Variants in DPPA3 observed in about 807,000 individuals in gnomAD.
DPPA3 encodes developmental pluripotency-associated protein 3.
DPPA3 carries 9 observed loss-of-function variants against 15.6 expected under a neutral mutation model. The observed-to-expected ratio is 0.58, with a 90% CI of 0.35 to 1.01. The LOEUF (loss-of-function observed/expected upper bound fraction) is 1.01, where lower values mean the gene tolerates loss of function less well. DPPA3 is among the 50% of genes least tolerant of loss of function. The pLI, the probability that DPPA3 is intolerant of heterozygous loss-of-function variation, is 0.02. For missense variants in DPPA3, 148 were observed against 194.6 expected (o/e 0.76, Z 1.42); for synonymous variants, 61 against 70.9 (o/e 0.86, Z 0.70).
rs985158873 is a variant in DPPA3, at chr12:7,717,314, G to T, written c.*237G>T. ...TGATTTGACCCAAAGAAGCCAAGAT[G>T]ATATAAGTATTCCCATGTGTCTTAG... On this transcript the variant is annotated 3_prime_UTR_variant, in exon 4 of 4. Transcript: ENST00000345088. 5.2e-6 allele frequency: 2 copies of T among 382,420 alleles called. No individual in the cohort carries two copies. The highest frequency in any genetic ancestry group is 4.2e-5 in the Admixed American group (1 of 23,792). 23.7% of individuals were successfully genotyped at this position (382,420 alleles called of 1,614,324 possible).
At chr12:7,712,646 C>T (rs1864357548) in intron 1 of DPPA3, among the ~76,000 whole-genome samples, 1 of 152,174 alleles carries the variant, frequency 6.6e-6, no homozygotes, top group African/African-American at 2.4e-5. Context: ...CAGGGTTTCA[C>T]TATGTTGGCC....
chr12:7,712,646 CTA>C (rs1409818407), intron 1 of DPPA3, among the ~76,000 whole-genome samples: 1 of 152,174 alleles, frequency 6.6e-6, no homozygotes, highest in East Asian at 1.9e-4. Context: ...CAGGGTTTCA[CTA>C]TGTTGGCCAG....
chr12:7,714,662 GCAC>G (rs3069535), intron 1 of DPPA3, among the ~76,000 whole-genome samples: 109,798 of 151,018 alleles, frequency 0.73, 40,093 homozygotes, highest in South Asian at 0.83. Flanking sequence ...TTACAGGCAT[GCAC>G]CACCACCACG....
intron 1 of DPPA3, among the ~76,000 whole-genome samples, chr12:7,714,332 A>G (rs369965825): frequency 1.3e-5 from 2 of 152,196 alleles, no homozygotes; most frequent in South Asian, 4.1e-4. Flanking sequence ...GTAAGTGATC[A>G]AGTGCCACAG....
chr12:7,711,804 A>T (rs1462706968), intron 1 of DPPA3, 152 bp downstream of exon 1: 1 of 643,526 alleles, frequency 1.6e-6, no homozygotes, highest in Non-Finnish European at 2.4e-6. Context: ...CTCAAACCAG[A>T]GGGAGTCAAC....
chr12:7,713,840 T>G (rs1226531693), intron 1 of DPPA3, among the ~76,000 whole-genome samples: 2 of 152,198 alleles, frequency 1.3e-5, no homozygotes. Flanking sequence ...AGTGGATCTC[T>G]TAAGTGTAAG....
rs764232682 is a variant in DPPA3 at position 7,715,384 on chromosome 12, A to G, written c.284A>G (p.Lys95Arg). The change falls in exon 2 of 4, where the codon AAG (lysine) becomes AGG (arginine). Residue 95 changes from lysine (K) to arginine (R), a missense_variant. Coordinates refer to ENST00000345088, the MANE Select transcript of DPPA3 (RefSeq NM_199286.4). ...VRTLLSVQRE[K>R]MARLRYMLLG... ...ACATTGCTGTCTGTGCAGAGAGAAA[A>G]GATGGCAAGATTGAGATACATGTTA... 3.8e-5 allele frequency: 61 copies of G among 1,614,182 alleles called. 3 individuals carry two copies. The South Asian group carries it at 6.3e-4, about 17-fold the overall frequency.
Position 7,711,720 on chromosome 12 carries a change from CTTTTTTTTTTTTTTT to C in DPPA3, c.82+83_82+97del, listed in dbSNP as rs3069565. 3.1e-3 allele frequency: 1,062 copies of C among 339,986 alleles called. 3 individuals are homozygous for C. The highest frequency in any genetic ancestry group is 8.1e-3 in the Middle Eastern group (11 of 1,350). 21.1% of individuals were successfully genotyped at this position (339,986 alleles called of 1,614,324 possible). ...GGTTGGGAGGTCAAAAGGCTGCCGT[CTTTTTTTTTTTTTTT>C]TTTTTTTTTTTTTTAATGTTGACTT... On this transcript the variant is annotated intron_variant, in intron 1 of 3. Coordinates refer to ENST00000345088, the MANE Select transcript of DPPA3 (RefSeq NM_199286.4).
rs899879366 is a variant in DPPA3 at position 7,715,298 on chromosome 12, A to G, written c.198A>G (p.Val66=). ...LSEALLRRES[V]GAAVLREIED... ...AAGCTTTACTCCGTCGAGAGTCTGTAGGAGCAGCAGTCCTCAGGGAAATCG... is the reference window on the plus strand; with the variant it reads ...AAGCTTTACTCCGTCGAGAGTCTGTGGGAGCAGCAGTCCTCAGGGAAATCG... The change falls in exon 2 of 4, where the codon GTA becomes GTG. Residue 66 remains valine, a synonymous_variant. Coordinates refer to ENST00000345088, the MANE Select transcript of DPPA3 (RefSeq NM_199286.4). The G allele has an allele frequency of 6.2e-7, 1 of 1,613,006 alleles. No homozygotes were observed. The highest frequency in any genetic ancestry group is 8.5e-7 in the Non-Finnish European group (1 of 1,179,928).
intron 1 of DPPA3, among the ~76,000 whole-genome samples, chr12:7,712,209 C>G (rs979355090): frequency 1.3e-5 from 2 of 151,370 alleles, no homozygotes; most frequent in Non-Finnish European, 2.9e-5. Context: ...GCCACTGCGC[C>G]CGGCCAGTAC....
chr12:7,711,695 G>C, intron 1 of DPPA3, 43 bp downstream of exon 1: 2 of 1,486,826 alleles, frequency 1.3e-6, no homozygotes. Flanking sequence ...ACTATAGGGG[G>C]GTTGGGAGGT....
chr12:7,715,431 T>G lies in DPPA3; in HGVS notation c.327+4T>G. 1 of 1,613,836 alleles carries G rather than the reference T, an allele frequency of 6.2e-7. No individual in the cohort carries two copies. Reference sequence around the variant, plus strand: ...GTTACTCGGCGGAGTTCGTACGGTATGTTGATGTGATGTGGCCGGGGCTGT... The same window carrying G: ...GTTACTCGGCGGAGTTCGTACGGTAGGTTGATGTGATGTGGCCGGGGCTGT... On this transcript the variant is annotated splice_donor_region_variant and intron_variant, in intron 2 of 3. Coordinates refer to ENST00000345088, the MANE Select transcript of DPPA3 (RefSeq NM_199286.4).
rs773416967 is a variant in DPPA3 at position 7,715,265 on chromosome 12, T to A, written c.165T>A (p.Pro55=). The A allele has an allele frequency of 3.1e-6, 5 of 1,613,866 alleles. No homozygotes were observed. Among genetic ancestry groups the A allele is most frequent in the Non-Finnish European group, 3.4e-6 (4 of 1,179,848 alleles). The change falls in exon 2 of 4, where the codon CCT becomes CCA. Residue 55 remains proline, a synonymous_variant. Transcript: ENST00000345088. ...ACGCTAGTAGCGAATCTGTTTCCCC[T>A]CTATCGGAAGCTTTACTCCGTCGAG... ...TINASSESVS[P]LSEALLRRES...
At chr12:7,714,670 AC>A (rs1304814693) in intron 1 of DPPA3, among the ~76,000 whole-genome samples, 2 of 151,014 alleles carry the variant, frequency 1.3e-5, no homozygotes, top group African/African-American at 4.9e-5. Flanking sequence ...ATGCACCACC[AC>A]CACGCCTGGC....
At chr12:7,713,392 C>T (rs957165386) in intron 1 of DPPA3, among the ~76,000 whole-genome samples, 5 of 152,242 alleles carry the variant, frequency 3.3e-5, no homozygotes, top group African/African-American at 1.2e-4. Context: ...CTTAGTACCT[C>T]ACAGTTCCAC....
intron 3 of DPPA3, 40 bp downstream of exon 3, chr12:7,716,279 T>TTTTTGGCTATA: frequency 6.8e-7 from 1 of 1,474,792 alleles, no homozygotes; most frequent in Non-Finnish European, 9.1e-7. Context: ...CTTTTTTTTT[T>TTTTTGGCTATA]TTGGCTATAT....
chr12:7,715,641 CA>C (rs1864391454), intron 2 of DPPA3, among the ~76,000 whole-genome samples: 1 of 151,944 alleles, frequency 6.6e-6, no homozygotes, highest in Non-Finnish European at 1.5e-5. Context: ...ACTAAAAATA[CA>C]AAAAGTTAGC....
Position 7,715,176 on chromosome 12 carries a change from C to T in DPPA3, c.83-7C>T. On this transcript the variant is annotated splice_region_variant and splice_polypyrimidine_tract_variant and intron_variant, in intron 1 of 3. Transcript: ENST00000345088. ...TTAATGTAATGGCTTTTAACCTTCTCTTTCAGGGGCCTCTCAAATCTCCTC... is the reference window on the plus strand; with the variant it reads ...TTAATGTAATGGCTTTTAACCTTCTTTTTCAGGGGCCTCTCAAATCTCCTC... The T allele has an allele frequency of 6.2e-7, 1 of 1,613,210 alleles. No homozygotes were observed. The highest frequency in any genetic ancestry group is 8.5e-7 in the Non-Finnish European group (1 of 1,179,656).
At chr12:7,713,449 C>G (rs763787602) in intron 1 of DPPA3, among the ~76,000 whole-genome samples, 1 of 152,176 alleles carries the variant, frequency 6.6e-6, no homozygotes, top group South Asian at 2.1e-4. Flanking sequence ...CTTTGAGAAT[C>G]GATCTCGAAC....
Sources: allele counts gnomAD v4.1 joint callset (sites outside exome capture counted in the v4.1 genomes callset), GRCh38; gene constraint gnomAD v4.1.1; transcripts MANE v1.5; gene names NCBI Gene and HGNC (gene_info 2026-07-23, HGNC 2026-07-21).